The following KANSL1 variants were observed in gnomAD, a reference collection of about 807,000 sequenced individuals.
The protein encoded by KANSL1 is MLL1/MLL complex subunit KANSL1.
Under a neutral mutation model 103.6 loss-of-function variants are expected in KANSL1, and 22 were observed. That is an observed-to-expected ratio of 0.21 (90% CI 0.15 to 0.30). KANSL1 has a LOEUF of 0.30. Among genes scored for constraint, KANSL1 ranks in the 10% least tolerant of loss-of-function variants. The pLI is 1.00. For missense variants in KANSL1, 1,337 were observed against 1,399.8 expected, an observed-to-expected ratio of 0.96 and a Z score of 0.72; for synonymous variants, 600 against 527.6, an observed-to-expected ratio of 1.14 and a Z score of -1.88.
chr17:46,214,797 GCA>G (rs1658670595), intron 1 of KANSL1, among the ~76,000 whole-genome samples: 2 of 152,252 alleles, frequency 1.3e-5, no homozygotes, highest in Non-Finnish European at 2.9e-5. Context: ...GTCTGCATAT[GCA>G]CACTCACATG....
chr17:46,106,869 G>C (rs1321861399), intron 2 of KANSL1, among the ~76,000 whole-genome samples: 2 of 152,128 alleles, frequency 1.3e-5, no homozygotes, highest in Non-Finnish European at 2.9e-5. Flanking sequence ...AAGAAACCCT[G>C]GTACAGGCAA....
At chr17:46,212,910 T>G (rs1026087829) in intron 1 of KANSL1, among the ~76,000 whole-genome samples, 1 of 152,280 alleles carries the variant, frequency 6.6e-6, no homozygotes, top group Non-Finnish European at 1.5e-5. Flanking sequence ...CTGCATTCCT[T>G]TGATTACTTA....
intron 7 of KANSL1, chr17:46,041,892 G>A (rs1252563764): frequency 1.4e-5 from 2 of 141,466 alleles, no homozygotes; most frequent in Non-Finnish European, 3.2e-5. Flanking sequence ...GTGTGTGTGT[G>A]TGTGTGTGTG....
Position 46,128,726 on chromosome 17 carries a change from C to G in KANSL1, c.1290-34025G>C, listed in dbSNP as rs572113520. ...CAAGGCAAACAGCATGGCTGGAGCACAGAGAGCCAAAAGAGAGGTGATAAA... is the reference window on the plus strand; with the variant it reads ...CAAGGCAAACAGCATGGCTGGAGCAGAGAGAGCCAAAAGAGAGGTGATAAA... On this transcript the variant is annotated intron_variant, in intron 2 of 14. Transcript: ENST00000432791. Among the ~76,000 whole-genome samples the G allele has an allele frequency of 6.6e-5, 10 of 152,212 alleles. No individual in the cohort carries two copies. In the South Asian group the frequency reaches 1.2e-3, roughly 19 times the overall value.
At chr17:46,216,664 G>A (rs1206428237) in intron 1 of KANSL1, among the ~76,000 whole-genome samples, 1 of 151,508 alleles carries the variant, frequency 6.6e-6, no homozygotes, top group Non-Finnish European at 1.5e-5. Flanking sequence ...TACATGAGAA[G>A]CTAAATAAAT....
chr17:46,176,632 A>T (rs1364895213), intron 1 of KANSL1, among the ~76,000 whole-genome samples: 2 of 152,020 alleles, frequency 1.3e-5, no homozygotes, highest in Non-Finnish European at 2.9e-5. Context: ...CAGAGGTTGC[A>T]ATTAGCCAAG....
intron 1 of KANSL1, among the ~76,000 whole-genome samples, chr17:46,187,602 A>G (rs2047092532): frequency 6.6e-6 from 1 of 152,266 alleles, no homozygotes; most frequent in African/African-American, 2.4e-5. Flanking sequence ...CAACAATAAA[A>G]TACACAGCTA....
In KANSL1 at chr17:46,189,906, C is replaced by CAAAAAA. The variant is rs55934305; in HGVS notation, c.-90+2911_-90+2916dup. Among the ~76,000 whole-genome samples, 398 of 112,410 alleles carry CAAAAAA rather than the reference C, an allele frequency of 3.5e-3. 2 individuals carry two copies. The highest frequency in any genetic ancestry group is 8.4e-3 in the Admixed American group (89 of 10,556). 73.7% of individuals were successfully genotyped at this position (112,410 alleles called of 152,430 possible). A position where few individuals can be genotyped will look rare whatever the true frequency, so the allele number is the denominator to read the frequency against. On this transcript the variant is annotated intron_variant, in intron 1 of 14. Coordinates refer to ENST00000432791, the MANE Select transcript of KANSL1 (RefSeq NM_015443.4). Reference sequence around the variant, plus strand: ...TGGGCGACAGAACGAGACCCTGCCTCAAAAAAAAAAAAAAAAAAAATTGCT... The same window carrying CAAAAAA: ...TGGGCGACAGAACGAGACCCTGCCTCAAAAAAAAAAAAAAAAAAAAAAAAAATTGCT...
intron 2 of KANSL1, among the ~76,000 whole-genome samples, chr17:46,125,075 A>G (rs1598688593): frequency 2.1e-4 from 4 of 19,106 alleles, no homozygotes; most frequent in African/African-American, 3.6e-4. Flanking sequence ...GGGAGGAGGG[A>G]GGGAGGGAGA....
At chr17:46,169,323 GAACT>G (rs150546962) in intron 2 of KANSL1, among the ~76,000 whole-genome samples, 17,007 of 149,710 alleles carry the variant, frequency 0.11, no homozygotes, top group Non-Finnish European at 0.17. Context: ...TGAGCACAGT[GAACT>G]AACAAATGAT....
At chr17:46,101,451 T>C (rs2147013305) in intron 2 of KANSL1, among the ~76,000 whole-genome samples, 1 of 152,232 alleles carries the variant, frequency 6.6e-6, no homozygotes, top group African/African-American at 2.4e-5. Context: ...ATGTATTAGA[T>C]AAGAATAACA....
At chr17:46,120,304 G>T (rs2043223646) in intron 2 of KANSL1, among the ~76,000 whole-genome samples, 1 of 152,220 alleles carries the variant, frequency 6.6e-6, no homozygotes, top group Admixed American at 6.5e-5. Context: ...GGCAGCTCCT[G>T]AAACAGGACA....
chr17:46,105,927 ACACACACACACACACACACACCCC>A (rs1434873340), intron 2 of KANSL1, among the ~76,000 whole-genome samples: 6 of 101,704 alleles, frequency 5.9e-5, no homozygotes, highest in African/African-American at 1.5e-4. Flanking sequence ...ACACACACAC[ACACACACACACACACACACACCCC>A]CCCAGAAGGG....
At chr17:46,107,961 C>CT (rs2042641201) in intron 2 of KANSL1, among the ~76,000 whole-genome samples, 1 of 152,214 alleles carries the variant, frequency 6.6e-6, no homozygotes, top group African/African-American at 2.4e-5. Context: ...TATTCAGCCA[C>CT]TTCTTGCCAC....
chr17:46,036,060 C>G (rs1547936), intron 10 of KANSL1: 15,216 of 151,196 alleles, frequency 0.1, 940 homozygotes, highest in East Asian at 0.31. Context: ...GACTCCCCCC[C>G]GCTCTTTTAT....
intron 2 of KANSL1, among the ~76,000 whole-genome samples, chr17:46,095,956 C>T (rs1470516598): frequency 1.3e-5 from 2 of 152,074 alleles, no homozygotes; most frequent in Admixed American, 6.6e-5. Context: ...CATTAAGATG[C>T]TGTTTGAAAT....
At position 46,127,082 on chromosome 17, in the gene KANSL1, C is replaced by A. The variant is rs1042337024; in HGVS notation, c.1290-32381G>T. Among the ~76,000 whole-genome samples, 3 of 152,192 alleles carry A rather than the reference C, an allele frequency of 2.0e-5. No homozygotes were observed. In the East Asian group the frequency reaches 5.8e-4, roughly 29 times the overall value. The stretch of plus-strand genomic sequence containing the variant: ...CAGATGACATGGGGGATTATGGAAG[C>A]CAATAACAATCATATTTAAATAAAT... On this transcript the variant is annotated intron_variant, in intron 2 of 14. Coordinates refer to ENST00000432791, the MANE Select transcript of KANSL1 (RefSeq NM_015443.4).
chr17:46,181,004 G>A (rs951285382), intron 1 of KANSL1, among the ~76,000 whole-genome samples: 5 of 152,118 alleles, frequency 3.3e-5, no homozygotes, highest in Admixed American at 6.5e-5. Flanking sequence ...AAGTAAAAAG[G>A]CATCTATAGA....
At chr17:46,088,336 G>A (rs1175132233) in intron 3 of KANSL1, 1 of 152,348 alleles carries the variant, frequency 6.6e-6, no homozygotes, top group Non-Finnish European at 1.5e-5. Flanking sequence ...TGACCCCACT[G>A]CAGACCAGTT....
Sources: gnomAD v4.1 joint callset for allele counts (sites outside exome capture counted in the v4.1 genomes callset) on GRCh38, gnomAD v4.1.1 for gene constraint, MANE v1.5 for transcripts, NCBI Gene and HGNC (gene_info 2026-07-23, HGNC 2026-07-21) for gene names.